MDGA2: variants seen among roughly 807,000 people sequenced by gnomAD.
The protein encoded by MDGA2 is MAM domain-containing glycosylphosphatidylinositol anchor protein 2.
MDGA2 carries 40 observed loss-of-function variants against 117.8 expected under a neutral mutation model. That is an observed-to-expected ratio of 0.34 (90% CI 0.26 to 0.44). MDGA2 has a LOEUF of 0.44. Ranked by LOEUF, MDGA2 falls within the 20% of genes least tolerant of loss-of-function variation. MDGA2 has a pLI of 1.00. For missense variants in MDGA2, 1,123 were observed against 1,250.6 expected, an observed-to-expected ratio of 0.90 and a Z score of 1.54; for synonymous variants, 452 against 439.0, an observed-to-expected ratio of 1.03 and a Z score of -0.37.
intron 2 of MDGA2, among the ~76,000 whole-genome samples, chr14:47,259,692 G>A (rs1230879358): frequency 2.0e-5 from 3 of 152,106 alleles, no homozygotes; most frequent in Non-Finnish European, 2.9e-5. Flanking sequence ...TATAAAATAG[G>A]AACTCCGAAG....
At chr14:46,991,596 T>A (rs1887095910) in intron 8 of MDGA2, among the ~76,000 whole-genome samples, 1 of 152,128 alleles carries the variant, frequency 6.6e-6, no homozygotes, top group African/African-American at 2.4e-5. Context: ...TGGAAAAAGT[T>A]AATGATGTCT....
chr14:47,641,296 T>C (rs1335711557), intron 1 of MDGA2, among the ~76,000 whole-genome samples: 2 of 150,950 alleles, frequency 1.3e-5, no homozygotes, highest in Non-Finnish European at 2.9e-5. Context: ...GTCAAGTATA[T>C]GCAAGTCTGA....
At chr14:47,313,503 C>T (rs1330291159) in intron 1 of MDGA2, among the ~76,000 whole-genome samples, 1 of 151,998 alleles carries the variant, frequency 6.6e-6, no homozygotes, top group East Asian at 1.9e-4. Flanking sequence ...ATTGTTATTA[C>T]CCAGGCTGGT....
chr14:47,071,917 C>T (rs1890295825), intron 6 of MDGA2, among the ~76,000 whole-genome samples: 1 of 151,936 alleles, frequency 6.6e-6, no homozygotes, highest in Non-Finnish European at 1.5e-5. Flanking sequence ...CAATCTATAC[C>T]TCAAGGTGAG....
intron 1 of MDGA2, among the ~76,000 whole-genome samples, chr14:47,544,128 T>C (rs979386437): frequency 1.3e-5 from 2 of 152,116 alleles, no homozygotes; most frequent in Non-Finnish European, 2.9e-5. Context: ...ATAAAGACTA[T>C]AGAAAGTATG....
At chr14:47,385,638 T>G (rs1423106788) in intron 1 of MDGA2, among the ~76,000 whole-genome samples, 1 of 152,188 alleles carries the variant, frequency 6.6e-6, no homozygotes, top group Non-Finnish European at 1.5e-5. Flanking sequence ...CAATGATCCC[T>G]CTTTCCATCT....
At chr14:47,137,156 T>A (rs117344463) in intron 4 of MDGA2, among the ~76,000 whole-genome samples, 1 of 152,194 alleles carries the variant, frequency 6.6e-6, no homozygotes, top group Non-Finnish European at 1.5e-5. Context: ...GGTGGTAATA[T>A]TGATATTACA....
intron 1 of MDGA2, among the ~76,000 whole-genome samples, chr14:47,509,476 T>C (rs1240825437): frequency 6.6e-6 from 1 of 152,158 alleles, no homozygotes; most frequent in Non-Finnish European, 1.5e-5. Context: ...AGCAGAGCAC[T>C]GGGGGCATGG....
At chr14:46,936,157 G>A (rs138806902) in intron 9 of MDGA2, among the ~76,000 whole-genome samples, 76 of 152,210 alleles carry the variant, frequency 5.0e-4, no homozygotes, top group Admixed American at 1.1e-3. Flanking sequence ...GTCATAATTT[G>A]TCCCTGCCAG....
At position 47,534,528 on chromosome 14, in the gene MDGA2, C is replaced by T. The variant is rs917596419; in HGVS notation, c.280+139989G>A. Among the ~76,000 whole-genome samples the T allele has an allele frequency of 2.6e-5, 4 of 152,176 alleles. No homozygotes were observed. In the East Asian group the frequency reaches 7.8e-4, roughly 29 times the overall value. ...TTACATAGCAGCAAGTGAGAGAGAG[C>T]CAGGAGAAACCGCCACTTACAAAAC... is the stretch of plus-strand genomic sequence containing the variant. On this transcript the variant is annotated intron_variant, in intron 1 of 16. Coordinates refer to ENST00000399232, the MANE Select transcript of MDGA2 (RefSeq NM_001113498.3).
intron 1 of MDGA2, among the ~76,000 whole-genome samples, chr14:47,309,865 C>T (rs993839421): frequency 1.3e-5 from 2 of 151,994 alleles, no homozygotes; most frequent in African/African-American, 4.8e-5. Flanking sequence ...TTTAAACTTA[C>T]ATTAAATGTA....
At chr14:46,942,583 C>T (rs182276173) in intron 9 of MDGA2, among the ~76,000 whole-genome samples, 1 of 152,218 alleles carries the variant, frequency 6.6e-6, no homozygotes, top group East Asian at 1.9e-4. Flanking sequence ...TTGACCCAGG[C>T]AAACAAAAAT....
intron 1 of MDGA2, among the ~76,000 whole-genome samples, chr14:47,509,622 C>T (rs1172995962): frequency 6.6e-6 from 1 of 152,154 alleles, no homozygotes; most frequent in Non-Finnish European, 1.5e-5. Context: ...ATGTGGATGA[C>T]ATTTTCACCC....
intron 7 of MDGA2, among the ~76,000 whole-genome samples, chr14:47,041,799 C>T (rs1889080778): frequency 6.6e-6 from 1 of 151,966 alleles, no homozygotes; most frequent in African/African-American, 2.4e-5. Context: ...TAGAAAATGG[C>T]TTAAAAGAAT....
chr14:47,114,918 A>T (rs1881239606), intron 5 of MDGA2, among the ~76,000 whole-genome samples: 1 of 151,382 alleles, frequency 6.6e-6, no homozygotes, highest in Non-Finnish European at 1.5e-5. Flanking sequence ...ACAATTGACA[A>T]ATGGGACCCG....
At chr14:46,853,706 T>C (rs1366802534) in intron 15 of MDGA2, among the ~76,000 whole-genome samples, 1 of 151,828 alleles carries the variant, frequency 6.6e-6, no homozygotes, top group Non-Finnish European at 1.5e-5. Flanking sequence ...TTTTTGTTTA[T>C]TGTGAACTTT....
chr14:47,352,264 T>C (rs1890900191), intron 1 of MDGA2, among the ~76,000 whole-genome samples: 1 of 152,156 alleles, frequency 6.6e-6, no homozygotes, highest in Non-Finnish European at 1.5e-5. Flanking sequence ...GTTACCTATC[T>C]CAGCATAATT....
intron 6 of MDGA2, among the ~76,000 whole-genome samples, chr14:47,091,804 G>A (rs1466574483): frequency 5.3e-5 from 8 of 151,930 alleles, no homozygotes; most frequent in East Asian, 1.9e-4. Flanking sequence ...TTCAAGCTCC[G>A]TCCCATTTCC....
intron 1 of MDGA2, among the ~76,000 whole-genome samples, chr14:47,418,226 C>T (rs1892512568): frequency 6.6e-6 from 1 of 152,036 alleles, no homozygotes; most frequent in Non-Finnish European, 1.5e-5. Flanking sequence ...ACTGGGATTA[C>T]AGGTGCGTGC....
Sources: allele counts gnomAD v4.1 joint callset (sites outside exome capture counted in the v4.1 genomes callset), GRCh38; gene constraint gnomAD v4.1.1; transcripts MANE v1.5; gene names NCBI Gene and HGNC (gene_info 2026-07-23, HGNC 2026-07-21).